The following PTGER4 variants were observed in gnomAD, a reference collection of about 807,000 sequenced individuals.
PTGER4 encodes the protein prostaglandin E2 receptor EP4 subtype.
A neutral mutation model predicts 33.2 loss-of-function variants in PTGER4; 11 were observed. The ratio of observed to expected loss-of-function variants is 0.33; its 90% CI spans 0.21 to 0.55. The LOEUF is 0.55. Among genes scored for constraint, PTGER4 ranks in the 20% least tolerant of loss-of-function variants. The pLI is 0.92. For missense variants in PTGER4, 481 were observed against 650.2 expected, an observed-to-expected ratio of 0.74 and a Z score of 2.83; for synonymous variants, 275 against 281.5, an observed-to-expected ratio of 0.98 and a Z score of 0.23.
the PTGER4 span, among the ~76,000 whole-genome samples, chr5:40,711,808 A>C: frequency 6.6e-6 from 1 of 152,154 alleles, no homozygotes; most frequent in Non-Finnish European, 1.5e-5. Context: ...ACACAAAAAG[A>C]GTGCATATTA....
the PTGER4 span, among the ~76,000 whole-genome samples, chr5:40,731,329 A>AT: frequency 2.1e-4 from 32 of 151,480 alleles, no homozygotes; most frequent in Non-Finnish European, 4.3e-4. Context: ...CCCTACCCAC[A>AT]TATCATGCCT....
At chr5:40,722,119 C>T in the PTGER4 span, among the ~76,000 whole-genome samples, 5 of 152,136 alleles carry the variant, frequency 3.3e-5, no homozygotes, top group East Asian at 5.8e-4. Flanking sequence ...GCAGGAGAAC[C>T]GCTTAAACCC....
At chr5:40,722,763 G>T in the PTGER4 span, among the ~76,000 whole-genome samples, 2 of 151,218 alleles carry the variant, frequency 1.3e-5, no homozygotes, top group African/African-American at 2.4e-5. Context: ...CAGACGCCCC[G>T]TCCCGGAGGT....
Position 40,691,774 on chromosome 5 carries a change from T to C in PTGER4, c.868-5T>C, listed in dbSNP as rs762187520. 43 of 1,610,814 alleles carry C rather than the reference T, an allele frequency of 2.7e-5. No homozygotes were observed. The highest frequency in any genetic ancestry group is 4.2e-6 in the Non-Finnish European group (5 of 1,178,472). ...AAATCTAAATGTGCGATCTCACTTA[T>C]GCAGGTGCGAGTATTCGTCAACCAG... On this transcript the variant is annotated splice_region_variant and splice_polypyrimidine_tract_variant and intron_variant, in intron 2 of 2. Coordinates refer to ENST00000302472, the MANE Select transcript of PTGER4 (RefSeq NM_000958.3). The surrounding 1 kb of genome is among the most constrained non-coding windows in gnomAD (Gnocchi z 4.2).
chr5:40,736,151 A>G, the PTGER4 span, among the ~76,000 whole-genome samples: 1 of 152,230 alleles, frequency 6.6e-6, no homozygotes, highest in Non-Finnish European at 1.5e-5. Flanking sequence ...TTTGATAATT[A>G]CAATGGAATG....
chr5:40,688,772 A>T (rs1030933663), intron 2 of PTGER4, among the ~76,000 whole-genome samples: 1 of 152,186 alleles, frequency 6.6e-6, no homozygotes, highest in Non-Finnish European at 1.5e-5. Context: ...ATTTTTTTTT[A>T]AATCAAGTAT....
At chr5:40,744,487 G>GTT in the PTGER4 span, among the ~76,000 whole-genome samples, 55,253 of 136,266 alleles carry the variant, frequency 0.41, 11,417 homozygotes, top group East Asian at 0.55. Flanking sequence ...ACTCTTACCA[G>GTT]TTTTTTTTTT....
At chr5:40,732,972 G>A in the PTGER4 span, among the ~76,000 whole-genome samples, 6 of 151,992 alleles carry the variant, frequency 3.9e-5, no homozygotes, top group Non-Finnish European at 8.8e-5. Flanking sequence ...GCAGCAGAGA[G>A]CAGCATATAA....
chr5:40,716,881 T>C, the PTGER4 span, among the ~76,000 whole-genome samples: 1 of 152,202 alleles, frequency 6.6e-6, no homozygotes, highest in African/African-American at 2.4e-5. Context: ...ACAGTTTAGA[T>C]CCTAACAATG....
downstream of PTGER4, among the ~76,000 whole-genome samples, chr5:40,697,586 AAAAAAAAC>A (rs1429947792): frequency 6.8e-6 from 1 of 148,080 alleles, no homozygotes; most frequent in Non-Finnish European, 1.5e-5. Context: ...TCCATCTCAA[AAAAAAAAC>A]AAAAAAACAA....
the PTGER4 span, among the ~76,000 whole-genome samples, chr5:40,703,983 T>A: frequency 7.1e-6 from 1 of 139,934 alleles, no homozygotes; most frequent in Non-Finnish European, 1.5e-5. Flanking sequence ...ACTCATTCTA[T>A]GAGGCCATCA....
rs1741520156 is a variant in PTGER4 at position 40,693,414 on chromosome 5, G to T, written c.*1036G>T. The T allele has an allele frequency of 2.0e-5, 20 of 985,562 alleles. No individual in the cohort carries two copies. Among genetic ancestry groups the T allele is most frequent in the Non-Finnish European group, 2.4e-5 (20 of 829,612 alleles). 61.1% of individuals were successfully genotyped at this position (985,562 alleles called of 1,614,324 possible). On this transcript the variant is annotated 3_prime_UTR_variant, in exon 3 of 3. Coordinates refer to ENST00000302472, the MANE Select transcript of PTGER4 (RefSeq NM_000958.3). ...AAGAATATCCTTTAAAATTTAAAAGGATGGCAAGTTGCATCAGAAAGCTTT... is the reference window on the plus strand; with the variant it reads ...AAGAATATCCTTTAAAATTTAAAAGTATGGCAAGTTGCATCAGAAAGCTTT...
At chr5:40,718,216 T>C in the PTGER4 span, among the ~76,000 whole-genome samples, 1,582 of 146,668 alleles carry the variant, frequency 0.011, 22 homozygotes, top group African/African-American at 0.034. Context: ...AGACCAGGAG[T>C]TCAATGACAA....
chr5:40,742,349 TTGAG>T, the PTGER4 span, among the ~76,000 whole-genome samples: 1 of 152,160 alleles, frequency 6.6e-6, no homozygotes, highest in Non-Finnish European at 1.5e-5. Flanking sequence ...CTAATATTTA[TTGAG>T]TATTTACTAC....
At chr5:40,739,496 C>T in the PTGER4 span, among the ~76,000 whole-genome samples, 3 of 152,212 alleles carry the variant, frequency 2.0e-5, no homozygotes, top group South Asian at 4.2e-4. Context: ...GGGCAGGTTT[C>T]CCTCTTGGTA....
chr5:40,711,201 TAAG>T, the PTGER4 span, among the ~76,000 whole-genome samples: 4 of 151,930 alleles, frequency 2.6e-5, no homozygotes, highest in Admixed American at 6.6e-5. Context: ...TACAACTCAA[TAAG>T]AAGATGACTT....
the PTGER4 span, among the ~76,000 whole-genome samples, chr5:40,738,509 A>AATACAATAC: frequency 8.2e-6 from 1 of 121,680 alleles, no homozygotes. Flanking sequence ...CAATACAATA[A>AATACAATAC]AATACAATAA....
the PTGER4 span, chr5:40,728,408 T>C: frequency 6.2e-7 from 1 of 1,613,858 alleles, no homozygotes; most frequent in Non-Finnish European, 8.5e-7. Context: ...CCCATGAATG[T>C]GGATTTTGCT....
At chr5:40,717,937 CTG>C in the PTGER4 span, among the ~76,000 whole-genome samples, 1 of 152,030 alleles carries the variant, frequency 6.6e-6, no homozygotes, top group Admixed American at 6.6e-5. Context: ...TGGTGCACGC[CTG>C]TAATCCCAGC....
Sources: gnomAD v4.1 joint callset for allele counts (sites outside exome capture counted in the v4.1 genomes callset) on GRCh38, gnomAD v4.1.1 for gene constraint, Gnocchi (gnomAD v3.1) non-coding constraint, MANE v1.5 for transcripts, NCBI Gene and HGNC (gene_info 2026-07-23, HGNC 2026-07-21) for gene names.